The following AP3D1 variants were observed in gnomAD, a reference collection of about 807,000 sequenced individuals.
The protein encoded by AP3D1 is AP-3 complex subunit delta-1.
Under a neutral mutation model 147.6 loss-of-function variants are expected in AP3D1, and 51 were observed. The observed-to-expected ratio is 0.35, with a 90% CI of 0.28 to 0.44. The LOEUF is 0.44. AP3D1 is among the 20% of genes least tolerant of loss of function. The probability of loss-of-function intolerance (pLI) is 1.00; values close to 1 mark genes in which losing one functional copy is unlikely to be tolerated. For synonymous variants in AP3D1, 760 were observed against 663.0 expected (o/e 1.15, Z -2.25); for missense variants, 1,421 against 1,624.2 (o/e 0.87, Z 2.15).
chr19:2,112,313 A>G (rs538544149), intron 24 of AP3D1: 1 of 186,162 alleles, frequency 5.4e-6, no homozygotes, highest in Non-Finnish European at 1.1e-5. Flanking sequence ...CTGTCCACGC[A>G]CTGGAACATG....
intron 4 of AP3D1, among the ~76,000 whole-genome samples, chr19:2,135,593 C>T (rs112860566): frequency 0.035 from 5,382 of 152,296 alleles, 312 homozygotes; most frequent in African/African-American, 0.12. Context: ...ATCGGAAGCA[C>T]GTGATCCTAC....
intron 1 of AP3D1, among the ~76,000 whole-genome samples, chr19:2,140,570 G>C (rs1253692329): frequency 1.3e-5 from 2 of 151,410 alleles, no homozygotes; most frequent in Non-Finnish European, 2.9e-5. Flanking sequence ...CCACACCCCA[G>C]ACTCAAGTGA....
At chr19:2,164,255 T>C in intron 1 of AP3D1, 1 of 1,276,946 alleles carries the variant, frequency 7.8e-7, no homozygotes, top group Middle Eastern at 2.5e-4. Context: ...CCGTGGCCGC[T>C]GCCGGTCTAC....
At chr19:2,127,464 G>A (rs531826035) in intron 8 of AP3D1, among the ~76,000 whole-genome samples, 10 of 152,186 alleles carry the variant, frequency 6.6e-5, no homozygotes, top group African/African-American at 2.2e-4. Flanking sequence ...ACGCACCCCC[G>A]GCGGCCTGTG....
chr19:2,139,010 A>C (rs1405724465), intron 1 of AP3D1, among the ~76,000 whole-genome samples: 1 of 148,006 alleles, frequency 6.8e-6, no homozygotes, highest in Non-Finnish European at 1.5e-5. Context: ...CACTGAGCCA[A>C]GATGACACCA....
chr19:2,116,612 A>G lies in AP3D1; in HGVS notation c.1994T>C (p.Leu665Pro). The G allele has an allele frequency of 3.1e-6, 5 of 1,594,566 alleles. No individual in the cohort carries two copies. The highest frequency in any genetic ancestry group is 4.3e-6 in the Non-Finnish European group (5 of 1,171,310). ...GGGCAGCCAGCAGCTCACCCGAGCC[A>G]GCTCTTCCTCGTCCGCCTCCGACGG... ...HRPSEADEEE[L>P]ARRREARKQE... Residue 665 changes from leucine to proline, a missense_variant, in exon 17 of 32, where the codon CTG becomes CCG. Transcript: ENST00000643116.
intron 9 of AP3D1, among the ~76,000 whole-genome samples, chr19:2,125,823 T>G (rs2018739369): frequency 7.0e-6 from 1 of 143,256 alleles, no homozygotes; most frequent in African/African-American, 2.8e-5. Context: ...CAACTATACC[T>G]AAGTAAAGCT....
At chr19:2,114,922 G>C (rs541898212) in intron 20 of AP3D1, 101 bp from the exon 21 acceptor site, 64 of 1,282,746 alleles carry the variant, frequency 5.0e-5, no homozygotes, top group Non-Finnish European at 7.2e-5. Context: ...CGGGCCACAC[G>C]CACAGGTGGG....
chr19:2,111,699 G>A lies in AP3D1; in HGVS notation c.2917C>T (p.Pro973Ser). Residue 973 changes from proline to serine, a missense_variant, in exon 25 of 32, where the codon CCA becomes TCA. By Grantham distance (74) the Pro-to-Ser change is moderately conservative. This residue lies in a region of AP3D1 where 791 missense variants were observed against 761.4 expected (regional missense o/e 1.04). Coordinates refer to ENST00000643116, the MANE Select transcript of AP3D1 (RefSeq NM_001261826.3). ...CTCACCGGGAGCTGCTCCTCCTCTG[G>A]CGCGCCATTCTGCACCGGCTCCCCC... ...AAGEPVQNGAPEEEQLPPESS... is the reference protein window; with the variant it reads ...AAGEPVQNGASEEEQLPPESS... 6.3e-7 allele frequency: 1 copy of A among 1,596,272 alleles called. No homozygotes were observed. Among genetic ancestry groups the A allele is most frequent in the African/African-American group, 1.3e-5 (1 of 74,702 alleles).
intron 2 of AP3D1, 99 bp downstream of exon 2, chr19:2,138,520 T>C (rs1267094675): frequency 2.1e-6 from 2 of 943,610 alleles, no homozygotes; most frequent in South Asian, 1.3e-5. Flanking sequence ...GTGGTACCAA[T>C]GACTGACAGG....
chr19:2,117,559 C>A (rs542094821), intron 15 of AP3D1, among the ~76,000 whole-genome samples, 192 bp from the exon 16 acceptor site: 1 of 152,232 alleles, frequency 6.6e-6, no homozygotes, highest in Admixed American at 6.5e-5. Flanking sequence ...CAGAAACAGA[C>A]CAGTCCGGAA....
intron 31 of AP3D1, among the ~76,000 whole-genome samples, chr19:2,102,728 AAAATAAATAAATAAATAAATAAAT>A (rs148548478): frequency 0.029 from 3,786 of 129,628 alleles, 67 homozygotes; most frequent in Middle Eastern, 0.043. Context: ...ACTGTCTCAA[AAAATAAATAAATAAATAAATAAAT>A]AAATAAATAA....
chr19:2,152,693 T>C (rs577959905), upstream of AP3D1, among the ~76,000 whole-genome samples: 160 of 151,812 alleles, frequency 1.1e-3, no homozygotes, highest in Middle Eastern at 6.8e-3. Flanking sequence ...CTGGCCAATA[T>C]GGTGAAACCC....
At position 2,157,590 on chromosome 19, in the gene AP3D1, G is replaced by A. The variant is rs376382766; in HGVS notation, c.-103+6766C>T. Among the ~76,000 whole-genome samples the A allele has an allele frequency of 4.0e-3, 354 of 88,806 alleles. 3 individuals are homozygous for A. Among genetic ancestry groups the A allele is most frequent in the African/African-American group, 0.016 (334 of 21,270 alleles). The allele number at this position is 88,806 out of a possible 152,430, so 58.3% of individuals were successfully genotyped here. ...CTACCCATCCACCCATCCACCCACCGACTCATCCATCCACCCACCCACTAA... is the reference window on the plus strand; with the variant it reads ...CTACCCATCCACCCATCCACCCACCAACTCATCCATCCACCCACCCACTAA... On this transcript the variant is annotated intron_variant, in intron 1 of 14. Coordinates refer to the AP3D1 transcript ENST00000643010.
chr19:2,155,130 G>A (rs1325171420), upstream of AP3D1, among the ~76,000 whole-genome samples: 2 of 152,040 alleles, frequency 1.3e-5, no homozygotes, highest in Admixed American at 6.6e-5. Context: ...GCAGTGAGCC[G>A]AGATCGCGCC....
intron 1 of AP3D1, among the ~76,000 whole-genome samples, chr19:2,162,034 T>G (rs968354972): frequency 3.2e-4 from 41 of 128,836 alleles, no homozygotes; most frequent in Admixed American, 1.3e-3. Flanking sequence ...GCCCATTGAG[T>G]TTTTTTTTTT....
At position 2,130,610 on chromosome 19, in the gene AP3D1, T is replaced by G. The variant is rs1297617220; in HGVS notation, c.463-73A>C. On this transcript the variant is annotated intron_variant, in intron 5 of 31. Transcript: ENST00000643116. ...CCTGCTCTCGCCCCTCCCAGCCGCC[T>G]CCTCCACAGAGAGGAGATGCCCTCC... 3.1e-6 allele frequency: 5 copies of G among 1,591,078 alleles called. No individual in the cohort carries two copies. The South Asian group carries it at 3.4e-5, about 11-fold the overall frequency.
At chr19:2,148,192 CA>C (rs2019412234) in intron 1 of AP3D1, among the ~76,000 whole-genome samples, 1 of 151,486 alleles carries the variant, frequency 6.6e-6, no homozygotes, top group Non-Finnish European at 1.5e-5. Context: ...AAAACTTTCC[CA>C]AAACTATGAA....
rs2018525215 is a variant in AP3D1 at position 2,118,657 on chromosome 19, T to G, written c.1657A>C (p.Met553Leu). The G allele has an allele frequency of 1.2e-6, 2 of 1,612,838 alleles. No homozygotes were observed. Among genetic ancestry groups the G allele is most frequent in the Non-Finnish European group, 1.7e-6 (2 of 1,180,012 alleles). The change falls in exon 15 of 32, where the codon ATG (methionine) becomes CTG (leucine). Residue 553 changes from methionine (M) to leucine (L), a missense_variant. Transcript: ENST00000643116. ...AEGAQAVTQL[M>L]VDRLPQFVQS... ...ACAAACTGGGGCAGCCGGTCCACCA[T>G]GAGCTGGGTGACGGCCTGAGCGCCC...
Sources: gnomAD v4.1 joint callset for allele counts (sites outside exome capture counted in the v4.1 genomes callset) on GRCh38, gnomAD v4.1.1 for gene constraint, gnomAD v4.1.1 regional missense constraint, MANE v1.5 for transcripts, NCBI Gene and HGNC (gene_info 2026-07-23, HGNC 2026-07-21) for gene names.